PTPRN2: variants seen among roughly 807,000 people sequenced by gnomAD.
The protein encoded by PTPRN2 is receptor-type tyrosine-protein phosphatase N2.
In PTPRN2, 74 loss-of-function variants were observed where a neutral mutation model predicts 118.8. The observed-to-expected ratio is 0.62, with a 90% CI of 0.52 to 0.76. The LOEUF is 0.76. Ranked by LOEUF, PTPRN2 falls within the 30% of genes least tolerant of loss-of-function variation. The pLI is 0.00. For synonymous variants in PTPRN2, 641 were observed against 608.0 expected (o/e 1.05, Z -0.80); for missense variants, 1,481 against 1,394.4 (o/e 1.06, Z -0.99).
chr7:158,411,032 A>C (rs1475036075), intron 2 of PTPRN2, among the ~76,000 whole-genome samples: 1 of 151,802 alleles, frequency 6.6e-6, no homozygotes, highest in African/African-American at 2.4e-5. Flanking sequence ...AGAGATCCGG[A>C]CAGGCTGGGC....
At chr7:158,227,505 G>C (rs943977107) in intron 3 of PTPRN2, among the ~76,000 whole-genome samples, 10 of 152,198 alleles carry the variant, frequency 6.6e-5, no homozygotes, top group African/African-American at 1.2e-4. Context: ...CCTGACGTGT[G>C]ACGGGAAGAC....
chr7:157,540,425 C>T lies in PTPRN2; in HGVS notation c.*289G>A, dbSNP rs753628805. ...GGCTACTGCATTGTTAACACAACTT[C>T]AACCAAGAAGGTGAACGGGTGCTTT... On this transcript the variant is annotated 3_prime_UTR_variant, in exon 23 of 23. Coordinates refer to ENST00000389418, the MANE Select transcript of PTPRN2 (RefSeq NM_002847.5). 2 of 291,692 alleles carry T rather than the reference C, an allele frequency of 6.9e-6. No individual in the cohort carries two copies. Among genetic ancestry groups the T allele is most frequent in the Non-Finnish European group, 1.3e-5 (2 of 155,554 alleles). The allele number at this position is 291,692 out of a possible 1,614,324, so 18.1% of individuals were successfully genotyped here. A position where few individuals can be genotyped will look rare whatever the true frequency, so the allele number is the denominator to read the frequency against.
intron 6 of PTPRN2, among the ~76,000 whole-genome samples, chr7:158,149,635 C>T (rs1372576878): frequency 6.6e-6 from 1 of 151,996 alleles, no homozygotes; most frequent in Non-Finnish European, 1.5e-5. Flanking sequence ...GAAACCCCAT[C>T]TCTACTAAAA....
chr7:158,148,500 C>A (rs1820450150), intron 6 of PTPRN2, among the ~76,000 whole-genome samples: 1 of 138,578 alleles, frequency 7.2e-6, no homozygotes, highest in Non-Finnish European at 1.6e-5. Flanking sequence ...CGCCACGTGT[C>A]TTTCCCCCTC....
chr7:157,657,050 T>C (rs111162894), intron 13 of PTPRN2, among the ~76,000 whole-genome samples: 8 of 58,544 alleles, frequency 1.4e-4, no homozygotes, highest in East Asian at 1.1e-3. Context: ...TACACACACA[T>C]ACACCACACA....
chr7:158,510,858 G>A (rs980403401), intron 1 of PTPRN2, among the ~76,000 whole-genome samples: 5 of 152,188 alleles, frequency 3.3e-5, no homozygotes, highest in Non-Finnish European at 5.9e-5. Flanking sequence ...TCTTCTCAGG[G>A]CCGCTTGCTG....
intron 11 of PTPRN2, among the ~76,000 whole-genome samples, chr7:158,046,587 G>A (rs554537833): frequency 3.9e-5 from 6 of 152,336 alleles, no homozygotes; most frequent in African/African-American, 1.4e-4. Flanking sequence ...ATGACCTGAG[G>A]CCCAGCTGGT....
chr7:158,336,188 C>A, intron 2 of PTPRN2, among the ~76,000 whole-genome samples: 1 of 48,334 alleles, frequency 2.1e-5, no homozygotes, highest in Non-Finnish European at 4.2e-5. Context: ...GCAGAGGTCA[C>A]TCACACCCAC....
chr7:157,563,166 G>A (rs1203653414), intron 21 of PTPRN2, among the ~76,000 whole-genome samples: 8 of 86,752 alleles, frequency 9.2e-5, no homozygotes, highest in South Asian at 8.7e-4. Flanking sequence ...GTGCTCCCAC[G>A]TCACCACACA....
intron 6 of PTPRN2, among the ~76,000 whole-genome samples, chr7:158,145,654 G>A (rs1458731677): frequency 6.6e-6 from 1 of 152,228 alleles, no homozygotes; most frequent in East Asian, 1.9e-4. Context: ...TGAACCAACA[G>A]GGGCTCCCCT....
intron 11 of PTPRN2, among the ~76,000 whole-genome samples, chr7:157,910,745 C>T (rs1447617099): frequency 4.6e-5 from 7 of 152,190 alleles, no homozygotes; most frequent in East Asian, 3.9e-4. Context: ...TGCGCCCCTG[C>T]GATCAGCCCA....
intron 2 of PTPRN2, among the ~76,000 whole-genome samples, chr7:158,332,769 C>A (rs1201504641): frequency 1.3e-5 from 2 of 152,036 alleles, no homozygotes; most frequent in East Asian, 1.9e-4. Flanking sequence ...ACACTCACAC[C>A]CATACTCTCA....
At chr7:158,499,861 A>T (rs200653626) in intron 1 of PTPRN2, among the ~76,000 whole-genome samples, 1 of 138,102 alleles carries the variant, frequency 7.2e-6, no homozygotes, top group African/African-American at 2.6e-5. Context: ...GTGTGTGTGT[A>T]TAATTTTAAA....
At chr7:157,994,517 C>T (rs1011158308) in intron 11 of PTPRN2, among the ~76,000 whole-genome samples, 3 of 149,558 alleles carry the variant, frequency 2.0e-5, no homozygotes, top group African/African-American at 4.9e-5. Flanking sequence ...AAATCAGCAC[C>T]GCATCCCCAG....
chr7:158,154,592 A>G (rs1034504093), intron 6 of PTPRN2, among the ~76,000 whole-genome samples: 3 of 152,222 alleles, frequency 2.0e-5, no homozygotes, highest in African/African-American at 7.2e-5. Context: ...TTTATGGTAA[A>G]GATCAGAGAA....
intron 11 of PTPRN2, among the ~76,000 whole-genome samples, chr7:157,911,324 T>C (rs1161277608): frequency 6.6e-6 from 1 of 152,168 alleles, no homozygotes; most frequent in African/African-American, 2.4e-5. Flanking sequence ...AGACGCTCAT[T>C]TCTACCTGAA....
chr7:157,648,738 AC>A (rs1805342834), intron 14 of PTPRN2, among the ~76,000 whole-genome samples: 2 of 143,910 alleles, frequency 1.4e-5, no homozygotes, highest in Non-Finnish European at 3.0e-5. Context: ...GGTGGGTCGG[AC>A]CCATCCAGTG....
intron 11 of PTPRN2, among the ~76,000 whole-genome samples, chr7:157,959,108 G>T (rs1801365672): frequency 1.3e-5 from 2 of 152,218 alleles, no homozygotes; most frequent in Non-Finnish European, 2.9e-5. Flanking sequence ...TGACAATTGT[G>T]CCAAGACCAT....
At chr7:158,400,757 C>A (rs1812874399) in intron 2 of PTPRN2, among the ~76,000 whole-genome samples, 1 of 152,106 alleles carries the variant, frequency 6.6e-6, no homozygotes, top group Non-Finnish European at 1.5e-5. Context: ...AACCTCAGAG[C>A]CTCTCTGGAG....
Sources: gnomAD v4.1 joint callset for allele counts (sites outside exome capture counted in the v4.1 genomes callset) on GRCh38, gnomAD v4.1.1 for gene constraint, MANE v1.5 for transcripts, NCBI Gene and HGNC (gene_info 2026-07-23, HGNC 2026-07-21) for gene names.